The following SLTM variants were observed in gnomAD, a reference collection of about 807,000 sequenced individuals.
The protein encoded by SLTM is SAFB-like transcription modulator.
Under a neutral mutation model 134.6 loss-of-function variants are expected in SLTM, and 43 were observed. The ratio of observed to expected loss-of-function variants is 0.32; its 90% CI spans 0.25 to 0.41. The LOEUF is 0.41. Ranked by LOEUF, SLTM falls within the 10% of genes least tolerant of loss-of-function variation. SLTM has a pLI of 1.00. For missense variants in SLTM, 1,055 were observed against 1,288.8 expected (o/e 0.82, Z 2.78); for synonymous variants, 424 against 432.3 (o/e 0.98, Z 0.24).
chr15:58,918,851 G>T (rs575453794), intron 2 of SLTM, among the ~76,000 whole-genome samples: 2 of 151,284 alleles, frequency 1.3e-5, no homozygotes, highest in East Asian at 3.9e-4. Flanking sequence ...TACTAAAAGG[G>T]CAATCACTAA....
rs1567154808 is a variant in SLTM, at chr15:58,920,657, ATAAATAAAAAT to A, written c.251-3669_251-3659del. Among the ~76,000 whole-genome samples the A allele has an allele frequency of 1.2e-4, 18 of 149,970 alleles. No homozygotes were observed. The East Asian group carries it at 2.2e-3, about 18-fold the overall frequency. On this transcript the variant is annotated intron_variant, in intron 2 of 20. Coordinates refer to ENST00000380516, the MANE Select transcript of SLTM (RefSeq NM_024755.4). ...AATAAATAAATAAATAAATAAATAAATAAATAAAAATTTTTTGGCTGGGCGTGGTGGCTCAC... is the reference window on the plus strand; with the variant it reads ...AATAAATAAATAAATAAATAAATAAATTTTTGGCTGGGCGTGGTGGCTCAC...
At chr15:58,912,373 A>G (rs2036338600) in intron 5 of SLTM, among the ~76,000 whole-genome samples, 190 bp downstream of exon 5, 1 of 152,208 alleles carries the variant, frequency 6.6e-6, no homozygotes, top group African/African-American at 2.4e-5. Context: ...TGCTGGGATT[A>G]CAGGCGTGAG....
chr15:58,896,415 C>T (rs1350405599), intron 9 of SLTM, among the ~76,000 whole-genome samples: 1 of 151,986 alleles, frequency 6.6e-6, no homozygotes, highest in Non-Finnish European at 1.5e-5. Flanking sequence ...CAAAAATTAG[C>T]CCAGTGCAGT....
At position 58,889,492 on chromosome 15, in the gene SLTM, C is replaced by T; in HGVS notation, c.2142G>A (p.Gln714=). 6.2e-7 allele frequency: 1 copy of T among 1,614,112 alleles called. No individual in the cohort carries two copies. Residue 714 remains glutamine (Q), a synonymous_variant, in exon 16 of 21, where the codon CAG becomes CAA. Coordinates refer to ENST00000380516, the MANE Select transcript of SLTM (RefSeq NM_024755.4). ...TTTTTTCTTGTTCATAACGAAGCTG[C>T]TGTTGTTGCCTTCTGAGTTCCTCTC... The part of the protein sequence containing the change: ...REREELRRQQ[Q]QLRYEQEKRN...
chr15:58,894,386 T>C (rs2034908036), intron 10 of SLTM, 47 bp downstream of exon 10: 2 of 1,608,128 alleles, frequency 1.2e-6, no homozygotes, highest in Non-Finnish European at 1.7e-6. Context: ...AGTTGAGAAC[T>C]AGCCATCAAA....
At chr15:58,915,181 A>G (rs1244213466) in intron 3 of SLTM, among the ~76,000 whole-genome samples, 3 of 151,472 alleles carry the variant, frequency 2.0e-5, no homozygotes, top group Non-Finnish European at 2.9e-5. Context: ...ACAGGGCGAG[A>G]CTCCATCTCA....
chr15:58,899,190 C>CA lies in SLTM; in HGVS notation c.1058+278dup, dbSNP rs1429277837. 1 of 401,084 alleles carries CA rather than the reference C, an allele frequency of 2.5e-6. No homozygotes were observed. 24.8% of individuals were successfully genotyped at this position (401,084 alleles called of 1,614,324 possible). On this transcript the variant is annotated intron_variant, in intron 7 of 20. Transcript: ENST00000380516. The surrounding 1 kb of genome is among the most constrained non-coding windows in gnomAD (Gnocchi z 5.0). ...CACAAGGATTTTAAAAAATAAAACACAAAAAAATTGTCAATTTGAAAAAAA... is the reference window on the plus strand; with the variant it reads ...CACAAGGATTTTAAAAAATAAAACACAAAAAAAATTGTCAATTTGAAAAAAA...
At chr15:58,885,358 A>G (rs1311653146) in intron 19 of SLTM, among the ~76,000 whole-genome samples, 3 of 152,208 alleles carry the variant, frequency 2.0e-5, no homozygotes, top group African/African-American at 7.2e-5. Flanking sequence ...TATGAAAAAG[A>G]AAATTTTCAA....
rs1327530370 is a variant in SLTM, at chr15:58,913,801, T to A, written c.316-105A>T. The A allele has an allele frequency of 6.3e-6, 5 of 796,936 alleles. No individual in the cohort carries two copies. In the East Asian group the frequency reaches 1.2e-4, roughly 20 times the overall value. The allele number at this position is 796,936 out of a possible 1,614,324, so 49.4% of individuals were successfully genotyped here. A position where few individuals can be genotyped will look rare whatever the true frequency, so the allele number is the denominator to read the frequency against. On this transcript the variant is annotated intron_variant, in intron 3 of 20. Transcript: ENST00000380516. ...CCTTTAAATGTGTCAAATTTGATCA[T>A]ATTTTAATATTCCCAAAGTTCATTC...
In SLTM at chr15:58,879,692, A is replaced by G. The variant is rs1384165745; in HGVS notation, c.*307T>C. ...AGCTAAGGCTGCAAATTAAACCACT[A>G]CCACACAGCTGCAAACTACTCTTTA... On this transcript the variant is annotated 3_prime_UTR_variant, in exon 21 of 21. Coordinates refer to ENST00000380516, the MANE Select transcript of SLTM (RefSeq NM_024755.4). The G allele has an allele frequency of 4.7e-6, 1 of 213,444 alleles. No homozygotes were observed. 13.2% of individuals were successfully genotyped at this position (213,444 alleles called of 1,614,324 possible).
At chr15:58,893,130 G>C (rs2034796237) in intron 13 of SLTM, 70 bp from the exon 14 acceptor site, 1 of 1,472,736 alleles carries the variant, frequency 6.8e-7, no homozygotes. Flanking sequence ...AGTTTAGTAG[G>C]TCATTTAAAA....
chr15:58,899,219 AC>A lies in SLTM; in HGVS notation c.1058+249del. 2 of 466,128 alleles carry A rather than the reference AC, an allele frequency of 4.3e-6. No homozygotes were observed. Among genetic ancestry groups the A allele is most frequent in the Non-Finnish European group, 7.5e-6 (2 of 267,438 alleles). 28.9% of individuals were successfully genotyped at this position (466,128 alleles called of 1,614,324 possible). A position where few individuals can be genotyped will look rare whatever the true frequency, so the allele number is the denominator to read the frequency against. On this transcript the variant is annotated intron_variant, in intron 7 of 20. Transcript: ENST00000380516. The surrounding 1 kb of genome is among the most constrained non-coding windows in gnomAD (Gnocchi z 5.0). ...AAAATTGTCAATTTGAAAAAAAAAA[AC>A]AAAAAACAAAAAACAACAAAAAAAC...
Position 58,890,451 on chromosome 15 carries a change from T to C in SLTM, c.1909A>G (p.Ile637Val). Residue 637 changes from isoleucine (I) to valine (V), a missense_variant, in exon 15 of 21, where the codon ATT becomes GTT. Physicochemically the swap from Ile to Val is conservative, Grantham distance 29 (BLOSUM62 3). Around this residue, in one of 3 missense-constraint regions of SLTM, gnomAD observed 776 missense variants for 962.2 expected, o/e 0.81. Transcript: ENST00000380516. ...RAMELRRRRE[I>V]AERERRERER... ...CGCTCTCGACGCTCTCTCTCTGCAA[T>C]CTCTCTTCGTCTACCAAAAATCAGT... is the stretch of plus-strand genomic sequence containing the variant. 1.2e-6 allele frequency: 2 copies of C among 1,613,426 alleles called. No homozygotes were observed. Among genetic ancestry groups the C allele is most frequent in the Non-Finnish European group, 1.7e-6 (2 of 1,179,912 alleles).
Position 58,900,777 on chromosome 15 carries a change from A to G in SLTM, c.589+483T>C, listed in dbSNP as rs534344753. On this transcript the variant is annotated intron_variant, in intron 6 of 20. Transcript: ENST00000380516. ...GTTGCCCCTGTAATTGTATTGAATG[A>G]GACAGCTCGTCTAAACTAAAATTGT... The G allele has an allele frequency of 9.0e-5, 15 of 165,848 alleles. No homozygotes were observed. In the East Asian group the frequency reaches 2.2e-3, roughly 24 times the overall value. The allele number at this position is 165,848 out of a possible 1,614,324, so 10.3% of individuals were successfully genotyped here.
intron 14 of SLTM, 38 bp from the exon 15 acceptor site, chr15:58,890,499 CT>C: frequency 2.5e-6 from 4 of 1,579,804 alleles, no homozygotes; most frequent in Non-Finnish European, 3.4e-6. Flanking sequence ...TTAAATTATG[CT>C]AGCACTGTGT....
At chr15:58,915,542 G>A (rs1235420535) in intron 3 of SLTM, among the ~76,000 whole-genome samples, 1 of 152,172 alleles carries the variant, frequency 6.6e-6, no homozygotes, top group Non-Finnish European at 1.5e-5. Flanking sequence ...CCTGATGGAA[G>A]ATATATAGTA....
chr15:58,880,077 T>A lies in SLTM; in HGVS notation c.3027A>T (p.Gln1009His), dbSNP rs199780799. 270 of 1,613,998 alleles carry A rather than the reference T, an allele frequency of 1.7e-4. 2 individuals are homozygous for A. The highest frequency in any genetic ancestry group is 9.3e-6 in the Non-Finnish European group (11 of 1,179,996). The change falls in exon 21 of 21, where the codon CAA becomes CAT. Residue 1009 changes from glutamine to histidine, a missense_variant. Around this residue, in one of 3 missense-constraint regions of SLTM, gnomAD observed 776 missense variants for 962.2 expected, o/e 0.81. Transcript: ENST00000380516. ...SNASPINRIV[Q>H]ISGNSMPRGS... ...CTCTTGGCATGGAATTGCCACTGAT[T>A]TGTACAATTCTATTAATTGGGGATG... is the stretch of plus-strand genomic sequence containing the variant.
intron 2 of SLTM, 113 bp downstream of exon 2, chr15:58,932,243 C>T (rs1207466811): frequency 2.6e-6 from 2 of 767,904 alleles, no homozygotes; most frequent in African/African-American, 1.7e-5. Context: ...AGGCAGACTG[C>T]CAGAGGGAAA....
chr15:58,890,603 G>T, intron 14 of SLTM, 142 bp from the exon 15 acceptor site: 4 of 802,170 alleles, frequency 5.0e-6, no homozygotes, highest in South Asian at 2.2e-5. Flanking sequence ...ATTGGAAAGA[G>T]AATTCAAAGT....
Sources: allele counts gnomAD v4.1 joint callset (sites outside exome capture counted in the v4.1 genomes callset), GRCh38; gene constraint gnomAD v4.1.1; regional missense constraint gnomAD v4.1.1; non-coding constraint Gnocchi (gnomAD v3.1); transcripts MANE v1.5; gene names NCBI Gene and HGNC (gene_info 2026-07-23, HGNC 2026-07-21).